ACTR8: variants seen among roughly 807,000 people sequenced by gnomAD.
ACTR8 encodes the protein actin related protein 8.
A neutral mutation model predicts 84.3 loss-of-function variants in ACTR8; 70 were observed. The observed-to-expected ratio is 0.83, with a 90% confidence interval of 0.68 to 1.01. The LOEUF is 1.01. Among genes scored for constraint, ACTR8 ranks in the 50% least tolerant of loss-of-function variants. The pLI, the probability that ACTR8 is intolerant of heterozygous loss-of-function variation, is 0.00. For synonymous variants in ACTR8, 268 were observed against 275.2 expected, an observed-to-expected ratio of 0.97 and a Z score of 0.26; for missense variants, 672 against 775.4, an observed-to-expected ratio of 0.87 and a Z score of 1.58.
In ACTR8 at chr3:53,870,375, G is replaced by C. The variant is rs967789504; in HGVS notation, c.1568-230C>G. ...AGGATCAAAATCTTTAAAGGAGGCC[G>C]AGCATGGTGGCTCACGCCTGTAATC... is the stretch of plus-strand genomic sequence containing the variant. On this transcript the variant is annotated intron_variant, in intron 11 of 12. Transcript: ENST00000335754. The surrounding 1 kb of genome is among the most constrained non-coding windows in gnomAD (Gnocchi z 4.1). 5 of 533,638 alleles carry C rather than the reference G, an allele frequency of 9.4e-6. No homozygotes were observed. Among genetic ancestry groups the C allele is most frequent in the Non-Finnish European group, 1.7e-5 (5 of 301,798 alleles). The allele number at this position is 533,638 out of a possible 1,614,324, so 33.1% of individuals were successfully genotyped here. A position where few individuals can be genotyped will look rare whatever the true frequency, so the allele number is the denominator to read the frequency against.
chr3:53,872,788 A>G (rs1699906688), intron 9 of ACTR8, among the ~76,000 whole-genome samples: 2 of 152,204 alleles, frequency 1.3e-5, no homozygotes, highest in South Asian at 4.1e-4. Flanking sequence ...TCTACTTCAT[A>G]ATTTCCTAGT....
chr3:53,866,842 T>C (rs1289707528), downstream of ACTR8, among the ~76,000 whole-genome samples: 2 of 151,080 alleles, frequency 1.3e-5, no homozygotes, highest in African/African-American at 4.9e-5. Context: ...ATGTTTTTTT[T>C]CTGGGAATGC....
Position 53,877,741 on chromosome 3 carries a change from T to C in ACTR8, c.416A>G (p.Tyr139Cys). 1.2e-6 allele frequency: 2 copies of C among 1,613,996 alleles called. No homozygotes were observed. Among genetic ancestry groups the C allele is most frequent in the African/African-American group, 1.3e-5 (1 of 75,054 alleles). The change falls in exon 4 of 13, where the codon TAC (tyrosine) becomes TGC (cysteine). Residue 139 changes from tyrosine (Y) to cysteine (C), a missense_variant. Tyr to Cys is a radical substitution (Grantham distance 194, BLOSUM62 -2). Coordinates refer to ENST00000335754, the MANE Select transcript of ACTR8 (RefSeq NM_022899.5). ...IPVSPEQARSYNKQMRPAILD... is the reference protein window; with the variant it reads ...IPVSPEQARSCNKQMRPAILD... ...AATTGCAGGTCGCATCTGCTTATTG[T>C]AGGAGCGTGCCTGAAAAGAAAAACC...
At position 53,876,057 on chromosome 3, in the gene ACTR8, C is replaced by T; in HGVS notation, c.802G>A (p.Val268Met). 6.2e-7 allele frequency: 1 copy of T among 1,610,960 alleles called. No individual in the cohort carries two copies. Among genetic ancestry groups the T allele is most frequent in the South Asian group, 1.1e-5 (1 of 90,852 alleles). ...AAGCCACTTCCATAGGTGGCACACA[C>T]AGACTCCTGATGGACCACAATCCCT... Reference protein sequence around the residue: ...FSGIVVHQESVCATYGSGLSS... With the variant: ...FSGIVVHQESMCATYGSGLSS... Residue 268 changes from valine (V) to methionine (M), a missense_variant, in exon 7 of 13, where the codon GTG (valine) becomes ATG (methionine). Physicochemically the swap from Val to Met is conservative, Grantham distance 21 (BLOSUM62 1). Transcript: ENST00000335754.
intron 2 of ACTR8, among the ~76,000 whole-genome samples, chr3:53,879,104 C>T (rs1349570158): frequency 4.6e-5 from 7 of 152,086 alleles, no homozygotes. Context: ...TACTGGTTCT[C>T]GTTATTATAG....
Position 53,867,544 on chromosome 3 carries a change from A to T in ACTR8, c.*1175T>A, listed in dbSNP as rs1019951900. 1 of 152,050 alleles carries T rather than the reference A, an allele frequency of 6.6e-6. No individual in the cohort carries two copies. Among genetic ancestry groups the T allele is most frequent in the Non-Finnish European group, 1.5e-5 (1 of 68,046 alleles). 9.4% of individuals were successfully genotyped at this position (152,050 alleles called of 1,614,324 possible). Reference sequence around the variant, plus strand: ...AGAGTTCTTTCTATATTCCCTTCTGATTTCCATCACTTATCTGTTCCCTGC... The same window carrying T: ...AGAGTTCTTTCTATATTCCCTTCTGTTTTCCATCACTTATCTGTTCCCTGC... On this transcript the variant is annotated 3_prime_UTR_variant, in exon 13 of 13. Coordinates refer to ENST00000335754, the MANE Select transcript of ACTR8 (RefSeq NM_022899.5).
At chr3:53,877,448 T>C in intron 4 of ACTR8, 61 bp from the exon 5 acceptor site, 11 of 1,494,276 alleles carry the variant, frequency 7.4e-6, no homozygotes, top group Non-Finnish European at 9.9e-6. Flanking sequence ...GTTTTCTGGA[T>C]TCATATCCAA....
intron 3 of ACTR8, 24 bp from the exon 4 acceptor site, chr3:53,877,775 A>AT: frequency 6.3e-7 from 1 of 1,597,866 alleles, no homozygotes; most frequent in Non-Finnish European, 8.6e-7. Flanking sequence ...CCATCAGAAA[A>AT]TTATCTCAAT....
At chr3:53,865,307 A>G (rs1699748036), downstream of ACTR8, 1 of 1,600,408 alleles carries the variant, frequency 6.2e-7, no homozygotes, top group Non-Finnish European at 8.5e-7. Context: ...TGCTCCTTGT[A>G]GCCCACCCAT....
chr3:53,881,903 C>T (rs2276843), intron 1 of ACTR8, 76 bp downstream of exon 1: 498,682 of 1,543,712 alleles, frequency 0.32, 82,375 homozygotes, highest in East Asian at 0.52. Context: ...CGAAGCCTCC[C>T]GCCGCCTCCC....
Position 53,876,242 on chromosome 3 carries a change from G to A in ACTR8, c.779-162C>T, listed in dbSNP as rs562015246. On this transcript the variant is annotated intron_variant, in intron 6 of 12. Transcript: ENST00000335754. The stretch of plus-strand genomic sequence containing the variant: ...AGCATTTAAATAAGTCAGTAGGCCC[G>A]GCGCGGTGGCTCACGTCTGTAATCC... 4.6e-5 allele frequency among the ~76,000 whole-genome samples: 7 copies of A among 152,266 alleles called. No homozygotes were observed. The East Asian group carries it at 5.8e-4, about 13-fold the overall frequency.
chr3:53,873,224 T>C (rs1294048035), intron 8 of ACTR8, 97 bp from the exon 9 acceptor site: 2 of 895,342 alleles, frequency 2.2e-6, no homozygotes, highest in Non-Finnish European at 1.8e-6. Context: ...ATATCACCTA[T>C]AAAAAGGCCA....
downstream of ACTR8, among the ~76,000 whole-genome samples, chr3:53,863,008 C>T (rs1699621115): frequency 1.3e-5 from 2 of 152,154 alleles, no homozygotes; most frequent in South Asian, 4.1e-4. Context: ...GCCTACTCAA[C>T]AAGATGATGA....
At chr3:53,875,677 T>G (rs1440157546) in intron 7 of ACTR8, among the ~76,000 whole-genome samples, 1 of 152,230 alleles carries the variant, frequency 6.6e-6, no homozygotes, top group African/African-American at 2.4e-5. Context: ...TGTTTACGTT[T>G]CCCCTATGGG....
At chr3:53,881,688 A>C in intron 1 of ACTR8, 2 of 506,036 alleles carry the variant, frequency 4.0e-6, no homozygotes, top group South Asian at 2.1e-5. Context: ...ATGGTCGGGG[A>C]AGCTGAGGCC....
At position 53,871,505 on chromosome 3, in the gene ACTR8, C is replaced by A; in HGVS notation, c.1303-9G>T. ...GCAGTAGCTTTTGCAGACTTTAAATCAAAAGGACAATCAAGTATGTGGTAT... is the reference window on the plus strand; with the variant it reads ...GCAGTAGCTTTTGCAGACTTTAAATAAAAAGGACAATCAAGTATGTGGTAT... On this transcript the variant is annotated splice_polypyrimidine_tract_variant and intron_variant, in intron 10 of 12. Coordinates refer to ENST00000335754, the MANE Select transcript of ACTR8 (RefSeq NM_022899.5). 2 of 1,613,394 alleles carry A rather than the reference C, an allele frequency of 1.2e-6. No individual in the cohort carries two copies. The highest frequency in any genetic ancestry group is 2.2e-5 in the South Asian group (2 of 90,966).
rs1576867078 is a variant in ACTR8 at position 53,877,560 on chromosome 3, C to T, written c.510+87G>A. The T allele has an allele frequency of 5.6e-6, 8 of 1,421,638 alleles. No individual in the cohort carries two copies. The South Asian group carries it at 1.0e-4, about 18-fold the overall frequency. 88.1% of individuals were successfully genotyped at this position (1,421,638 alleles called of 1,614,324 possible). On this transcript the variant is annotated intron_variant, in intron 4 of 12. Coordinates refer to ENST00000335754, the MANE Select transcript of ACTR8 (RefSeq NM_022899.5). The stretch of plus-strand genomic sequence containing the variant: ...AGCAGGGTTATAGAACGCTAGGAAA[C>T]AACTAGGACTGGGTGGCAACGTAAA...
intron 10 of ACTR8, among the ~76,000 whole-genome samples, 179 bp downstream of exon 10, chr3:53,872,205 G>C (rs1699892923): frequency 2.0e-5 from 3 of 152,202 alleles, no homozygotes; most frequent in Admixed American, 2.0e-4. Flanking sequence ...AATGTTTGCT[G>C]AATAGAGAAA....
Position 53,867,323 on chromosome 3 carries a change from C to CTA in ACTR8, c.*1394_*1395dup, listed in dbSNP as rs1699806809. 6.6e-6 allele frequency: 1 copy of CTA among 152,168 alleles called. No homozygotes were observed. Among genetic ancestry groups the CTA allele is most frequent in the Non-Finnish European group, 1.5e-5 (1 of 68,032 alleles). The allele number at this position is 152,168 out of a possible 1,614,324, so 9.4% of individuals were successfully genotyped here. ...CAGAAACATAAATGACATCAATACTCTATAAATTAATGCTGTTAACAAATT... is the reference window on the plus strand; with the variant it reads ...CAGAAACATAAATGACATCAATACTCTATATAAATTAATGCTGTTAACAAATT... On this transcript the variant is annotated 3_prime_UTR_variant, in exon 13 of 13. Transcript: ENST00000335754.
Sources: gnomAD v4.1 joint callset for allele counts (sites outside exome capture counted in the v4.1 genomes callset) on GRCh38, gnomAD v4.1.1 for gene constraint, Gnocchi (gnomAD v3.1) non-coding constraint, MANE v1.5 for transcripts, NCBI Gene and HGNC (gene_info 2026-07-23, HGNC 2026-07-21) for gene names.